SHISAL1: variants seen among roughly 807,000 people sequenced by gnomAD.
SHISAL1 encodes shisa like 1, also known as protein shisa-like-1.
A neutral mutation model predicts 22.6 loss-of-function variants in SHISAL1; 9 were observed. That is an observed-to-expected ratio of 0.40 (90% CI 0.24 to 0.70). The LOEUF is 0.70. SHISAL1 is among the 30% of genes least tolerant of loss of function. The probability of loss-of-function intolerance (pLI) is 0.39; values close to 1 mark genes in which losing one functional copy is unlikely to be tolerated. For synonymous variants in SHISAL1, 119 were observed against 115.4 expected, an observed-to-expected ratio of 1.03 and a Z score of -0.20; for missense variants, 246 against 270.6, an observed-to-expected ratio of 0.91 and a Z score of 0.64.
At chr22:44,262,271 G>A (rs2055130213) in intron 4 of SHISAL1, among the ~76,000 whole-genome samples, 2 of 152,242 alleles carry the variant, frequency 1.3e-5, no homozygotes, top group South Asian at 4.1e-4. Context: ...ATCACAAGGA[G>A]CATGGCTGTC....
At chr22:44,319,600 G>A in the SHISAL1 span, among the ~76,000 whole-genome samples, 7 of 152,292 alleles carry the variant, frequency 4.6e-5, no homozygotes, top group African/African-American at 1.4e-4. Flanking sequence ...GGCAGACCCC[G>A]CCCCTGGGTG....
intron 4 of SHISAL1, among the ~76,000 whole-genome samples, chr22:44,277,831 C>A (rs910574046): frequency 6.6e-6 from 1 of 152,150 alleles, no homozygotes; most frequent in Admixed American, 6.5e-5. Flanking sequence ...TTCCATCACA[C>A]GAGAGGCTCG....
chr22:44,286,634 C>T (rs370585217), intron 3 of SHISAL1, among the ~76,000 whole-genome samples: 25 of 152,304 alleles, frequency 1.6e-4, no homozygotes, highest in South Asian at 4.1e-4. Context: ...GACCCTCCTA[C>T]GCAGCTGGGT....
At chr22:44,284,893 T>TCCTGCCTGCCTTCCTGCCTG (rs376263550) in intron 4 of SHISAL1, among the ~76,000 whole-genome samples, 1 of 144,108 alleles carries the variant, frequency 6.9e-6, no homozygotes, top group Non-Finnish European at 1.5e-5. Context: ...CTCTCTGCCT[T>TCCTGCCTGCCTTCCTGCCTG]CCTGCCTTCC....
At chr22:44,274,762 A>AAGC (rs1286135998) in intron 4 of SHISAL1, among the ~76,000 whole-genome samples, 1 of 152,122 alleles carries the variant, frequency 6.6e-6, no homozygotes, top group East Asian at 1.9e-4. Flanking sequence ...GAAAAACGCA[A>AAGC]AGCAGTCCTA....
intron 1 of SHISAL1, among the ~76,000 whole-genome samples, chr22:44,303,709 T>C (rs369284717): frequency 2.2e-4 from 33 of 152,294 alleles, no homozygotes; most frequent in African/African-American, 7.7e-4. Flanking sequence ...ATGTGGAGCC[T>C]GGTCCGTGGA....
chr22:44,265,059 C>T (rs1220796637), intron 4 of SHISAL1, among the ~76,000 whole-genome samples: 1 of 152,156 alleles, frequency 6.6e-6, no homozygotes, highest in Non-Finnish European at 1.5e-5. Context: ...CTCTCAGTCC[C>T]CCCATCTGTA....
intron 2 of SHISAL1, among the ~76,000 whole-genome samples, chr22:44,298,340 C>T (rs1440359943): frequency 2.0e-5 from 3 of 152,230 alleles, no homozygotes; most frequent in East Asian, 1.9e-4. Flanking sequence ...TGATCGGCCT[C>T]GAGGGCATCC....
At chr22:44,296,633 C>T in intron 3 of SHISAL1, 39 bp downstream of exon 3, 1 of 1,592,498 alleles carries the variant, frequency 6.3e-7, no homozygotes, top group African/African-American at 1.3e-5. Flanking sequence ...TTGCCTGGGG[C>T]CCGAGGCAGT....
chr22:44,327,159 C>T, the SHISAL1 span, among the ~76,000 whole-genome samples: 3 of 152,040 alleles, frequency 2.0e-5, no homozygotes, highest in Admixed American at 6.6e-5. Context: ...GCACAGCACA[C>T]GAGGCTCAGG....
intron 1 of SHISAL1, among the ~76,000 whole-genome samples, chr22:44,303,553 C>T (rs7410637): frequency 0.76 from 115,685 of 151,856 alleles, 44,220 homozygotes; most frequent in Non-Finnish European, 0.8. Flanking sequence ...AACAGATTCA[C>T]CCCTACAGCC....
At chr22:44,321,184 T>A in the SHISAL1 span, among the ~76,000 whole-genome samples, 2 of 152,138 alleles carry the variant, frequency 1.3e-5, no homozygotes, top group Non-Finnish European at 2.9e-5. Context: ...CACAGGGTAA[T>A]GTCCAAACCC....
At chr22:44,273,391 C>T (rs1431690066) in intron 4 of SHISAL1, among the ~76,000 whole-genome samples, 1 of 152,178 alleles carries the variant, frequency 6.6e-6, no homozygotes, top group Non-Finnish European at 1.5e-5. Context: ...GATGCAAATA[C>T]CGTCACCGGC....
In SHISAL1 at chr22:44,285,501, G is replaced by A; in HGVS notation, c.526C>T (p.Pro176Ser). The change falls in exon 4 of 5, where the codon CCA becomes TCA. Residue 176 changes from proline (P) to serine (S), a missense_variant. By Grantham distance (74) the Pro-to-Ser change is moderately conservative. Around this residue, in one of 2 missense-constraint regions of SHISAL1, gnomAD observed 136 missense variants for 117.5 expected, o/e 1.16. Transcript: ENST00000381176. ...QPPPGPLPQA[P>S]QAVHTLRGDA... is the part of the protein sequence containing the mutation. ...CCCCGCAATGTGTGCACGGCCTGTG[G>A]GGCTTGTGGCAGCGGGCCTGGGGGA... 6.2e-7 allele frequency: 1 copy of A among 1,614,002 alleles called. No homozygotes were observed. The highest frequency in any genetic ancestry group is 8.5e-7 in the Non-Finnish European group (1 of 1,179,880).
At chr22:44,259,978 C>G (rs1480850338) in intron 4 of SHISAL1, among the ~76,000 whole-genome samples, 3 of 152,180 alleles carry the variant, frequency 2.0e-5, no homozygotes, top group African/African-American at 7.2e-5. Flanking sequence ...TGAACCAAAC[C>G]AGGCACCCTC....
intron 4 of SHISAL1, among the ~76,000 whole-genome samples, chr22:44,282,952 G>C (rs1251334738): frequency 6.6e-6 from 1 of 152,218 alleles, no homozygotes; most frequent in African/African-American, 2.4e-5. Context: ...TACAGTCAGA[G>C]CTATAATGCT....
chr22:44,300,332 G>A (rs2055419493), intron 2 of SHISAL1, among the ~76,000 whole-genome samples: 2 of 152,342 alleles, frequency 1.3e-5, no homozygotes, highest in South Asian at 2.1e-4. Context: ...GAGCAGGGCT[G>A]CCCTTGAACT....
chr22:44,279,119 G>A (rs1169253123), intron 4 of SHISAL1, among the ~76,000 whole-genome samples: 2 of 152,170 alleles, frequency 1.3e-5, no homozygotes, highest in Non-Finnish European at 2.9e-5. Context: ...CCACCACCGC[G>A]GAGTGACACT....
intron 2 of SHISAL1, among the ~76,000 whole-genome samples, chr22:44,299,831 C>A (rs924276491): frequency 2.7e-5 from 4 of 150,146 alleles, no homozygotes; most frequent in African/African-American, 9.8e-5. Context: ...GAGACAGAGA[C>A]ACAGAGAGAT....
Sources: allele counts gnomAD v4.1 joint callset (sites outside exome capture counted in the v4.1 genomes callset), GRCh38; gene constraint gnomAD v4.1.1; regional missense constraint gnomAD v4.1.1; transcripts MANE v1.5; gene names NCBI Gene and HGNC (gene_info 2026-07-23, HGNC 2026-07-21).